Variants in ZFP37 observed in about 807,000 individuals in gnomAD.
ZFP37 encodes the protein zinc finger protein 37 homolog.
In ZFP37, 38 loss-of-function variants were observed where a neutral mutation model predicts 52.1. The observed-to-expected ratio is 0.73, with a 90% CI of 0.56 to 0.96. The LOEUF (loss-of-function observed/expected upper bound fraction) is 0.96, where lower values mean the gene tolerates loss of function less well. ZFP37 is among the 40% of genes least tolerant of loss of function. The pLI is 0.00. For synonymous variants in ZFP37, 253 were observed against 259.5 expected (o/e 0.98, Z 0.24); for missense variants, 695 against 741.4 (o/e 0.94, Z 0.73).
intron 1 of ZFP37, 155 bp from the exon 2 acceptor site, chr9:113,050,027 A>G (rs1829028948): frequency 1.5e-5 from 18 of 1,209,720 alleles, no homozygotes; most frequent in Non-Finnish European, 2.0e-5. Flanking sequence ...TCATGATATT[A>G]TAAAGGATAC....
At chr9:113,046,627 T>C (rs902652804) in intron 3 of ZFP37, among the ~76,000 whole-genome samples, 1 of 152,180 alleles carries the variant, frequency 6.6e-6, no homozygotes, top group African/African-American at 2.4e-5. Context: ...ATTGGTATAG[T>C]AATATGGGTC....
intron 1 of ZFP37, among the ~76,000 whole-genome samples, chr9:113,050,449 G>A (rs1478235711): frequency 6.9e-6 from 1 of 144,606 alleles, no homozygotes; most frequent in Non-Finnish European, 1.5e-5. Context: ...CGTGCATATC[G>A]GAGAGAAAGA....
rs760807807 is a variant in ZFP37 at position 113,043,718 on chromosome 9, C to A, written c.900G>T (p.Lys300Asn). Residue 300 changes from lysine to asparagine, a missense_variant, in exon 4 of 4, where the codon AAG becomes AAT. By Grantham distance (94) the Lys-to-Asn change is moderately conservative. This residue lies in a region of ZFP37 where 326 missense variants were observed against 400.5 expected (regional missense o/e 0.81). Coordinates refer to ENST00000374227, the MANE Select transcript of ZFP37 (RefSeq NM_003408.3). The stretch of plus-strand genomic sequence containing the variant: ...TGAGTCCTTGTTTATGGCTGAGAAC[C>A]TTTCCACATTGATTACATTCATAGG... ...VKPYECNQCG[K>N]VLSHKQGLID... 3 of 1,613,972 alleles carry A rather than the reference C, an allele frequency of 1.9e-6. No individual in the cohort carries two copies. The highest frequency in any genetic ancestry group is 2.5e-6 in the Non-Finnish European group (3 of 1,179,946).
chr9:113,046,230 C>A (rs201964133), intron 3 of ZFP37, among the ~76,000 whole-genome samples: 91 of 125,622 alleles, frequency 7.2e-4, no homozygotes, highest in African/African-American at 5.3e-4. Context: ...AGACATATAT[C>A]TATATATATA....
In ZFP37 at chr9:113,056,699, C is replaced by G. The variant is rs779150580; in HGVS notation, c.-11G>C. Reference sequence around the variant, plus strand: ...GCTGGAGACCGACATGGCGGCTACCCGGAGGGCGGCCTTAGCGGGTCCGGC... The same window carrying G: ...GCTGGAGACCGACATGGCGGCTACCGGGAGGGCGGCCTTAGCGGGTCCGGC... On this transcript the variant is annotated 5_prime_UTR_variant, in exon 1 of 4. Transcript: ENST00000374227. 6 of 1,610,442 alleles carry G rather than the reference C, an allele frequency of 3.7e-6. No homozygotes were observed. The highest frequency in any genetic ancestry group is 1.1e-5 in the South Asian group (1 of 91,008).
At chr9:113,048,732 A>G (rs1829001573) in intron 3 of ZFP37, among the ~76,000 whole-genome samples, 1 of 152,160 alleles carries the variant, frequency 6.6e-6, no homozygotes, top group Non-Finnish European at 1.5e-5. Flanking sequence ...CCAAATGCAT[A>G]GCCTTTTGAA....
chr9:113,042,833 G>A lies in ZFP37; in HGVS notation c.1785C>T (p.His595=), dbSNP rs763042617. Residue 595 remains histidine (H), a synonymous_variant, in exon 4 of 4, where the codon CAC becomes CAT. Coordinates refer to ENST00000374227, the MANE Select transcript of ZFP37 (RefSeq NM_003408.3). The part of the protein sequence containing the change: ...KSQLVIHQRS[H]TGEKPYECNE... ...TACATTCATAGGGTTTTTCTCCAGT[G>A]TGGGATCGCTGATGTATAACAAGCT... 1.9e-6 allele frequency: 3 copies of A among 1,613,572 alleles called. No individual in the cohort carries two copies. Among genetic ancestry groups the A allele is most frequent in the Non-Finnish European group, 2.5e-6 (3 of 1,179,812 alleles).
intron 1 of ZFP37, 45 bp from the exon 2 acceptor site, chr9:113,049,917 C>A (rs1462322182): frequency 1.2e-6 from 2 of 1,612,490 alleles, no homozygotes; most frequent in Non-Finnish European, 1.7e-6. Context: ...GTTACTGATA[C>A]CTGTGATAGC....
At position 113,049,462 on chromosome 9, in the gene ZFP37, CT is replaced by C; in HGVS notation, c.248del (p.Lys83SerfsTer24). 6.2e-7 allele frequency: 1 copy of C among 1,613,952 alleles called. No individual in the cohort carries two copies. The highest frequency in any genetic ancestry group is 8.5e-7 in the Non-Finnish European group (1 of 1,179,910). On this transcript the variant is annotated frameshift_variant, in exon 3 of 4. Coordinates refer to ENST00000374227, the MANE Select transcript of ZFP37 (RefSeq NM_003408.3). LOFTEE classifies it high-confidence loss of function. ...CQAPKPDMIS[K>X]LEKGEAPWLG... The stretch of plus-strand genomic sequence containing the variant: ...ACCATGGTGCTTCTCCTTTTTCCAA[CT>C]TGGAGATCATGTCTGGTTTGGGAGC...
chr9:113,042,902 AG>A lies in ZFP37; in HGVS notation c.1715del (p.Pro572LeufsTer45). ...VHQRTHTGEK[P>X]YECNECEKAF... The stretch of plus-strand genomic sequence containing the variant: ...CTTTTTCACATTCGTTACATTCATA[AG>A]GTTTCTCCCCAGTATGAGTTCTCTG... On this transcript the variant is annotated frameshift_variant, in exon 4 of 4. Coordinates refer to ENST00000374227, the MANE Select transcript of ZFP37 (RefSeq NM_003408.3). LOFTEE classifies it high-confidence loss of function. 1 of 1,613,866 alleles carries A rather than the reference AG, an allele frequency of 6.2e-7. No individual in the cohort carries two copies. The highest frequency in any genetic ancestry group is 8.5e-7 in the Non-Finnish European group (1 of 1,179,928).
In ZFP37 at chr9:113,042,525, T is replaced by C; in HGVS notation, c.*200A>G. On this transcript the variant is annotated 3_prime_UTR_variant, in exon 4 of 4. Coordinates refer to ENST00000374227, the MANE Select transcript of ZFP37 (RefSeq NM_003408.3). ...TATAATAATTGAGTAGTTAAAACAA[T>C]ATTTTTTATAAAAGGTTTTGTATCA... The C allele has an allele frequency of 1.1e-5, 5 of 437,818 alleles. No individual in the cohort carries two copies. Among genetic ancestry groups the C allele is most frequent in the Non-Finnish European group, 2.0e-5 (5 of 251,234 alleles). 27.1% of individuals were successfully genotyped at this position (437,818 alleles called of 1,614,324 possible). A position where few individuals can be genotyped will look rare whatever the true frequency, so the allele number is the denominator to read the frequency against.
At position 113,056,644 on chromosome 9, in the gene ZFP37, G is replaced by A. The variant is rs776761438; in HGVS notation, c.45C>T (p.Thr15=). The stretch of plus-strand genomic sequence containing the variant: ...TTTCCGCACTTCTCCTCCGGTCCAC[G>A]GTCTCTGGCTTTGTCAGAATCTGGA... ...SGVQILTKPE[T]VDRRRSAETT... The change falls in exon 1 of 4, where the codon ACC becomes ACT. Residue 15 remains threonine (T), a synonymous_variant. Transcript: ENST00000374227. 2.5e-6 allele frequency: 4 copies of A among 1,613,862 alleles called. No homozygotes were observed. In the African/African-American group the frequency reaches 4.0e-5, roughly 16 times the overall value.
intron 1 of ZFP37, among the ~76,000 whole-genome samples, chr9:113,055,340 C>T (rs1312504064): frequency 3.9e-5 from 6 of 152,206 alleles, no homozygotes; most frequent in Admixed American, 3.9e-4. Flanking sequence ...CCACACCATC[C>T]TCTTTTACTT....
chr9:113,056,027 C>G (rs1829136625), intron 1 of ZFP37, among the ~76,000 whole-genome samples: 1 of 145,020 alleles, frequency 6.9e-6, no homozygotes. Flanking sequence ...CTCACTGGCC[C>G]CCCGATTCCT....
intron 1 of ZFP37, among the ~76,000 whole-genome samples, chr9:113,055,458 C>T (rs533576171): frequency 1.3e-5 from 2 of 152,264 alleles, no homozygotes; most frequent in South Asian, 4.1e-4. Context: ...GGTTTTGTTT[C>T]CTGGTGTGTC....
intron 1 of ZFP37, among the ~76,000 whole-genome samples, chr9:113,050,488 A>G (rs1057305935): frequency 6.7e-6 from 1 of 149,438 alleles, no homozygotes; most frequent in African/African-American, 2.5e-5. Context: ...AAAAAAAAAG[A>G]AAAAAGGAAC....
rs1828815627 is a variant in ZFP37, at chr9:113,039,677, T to C, written c.*3048A>G. On this transcript the variant is annotated 3_prime_UTR_variant, in exon 4 of 4. Coordinates refer to ENST00000374227, the MANE Select transcript of ZFP37 (RefSeq NM_003408.3). The stretch of plus-strand genomic sequence containing the variant: ...AGGTCTATGAGAACAGGGTTTTGTT[T>C]TGTTTGTTTGCTTTCTTTTTGTTTT... The C allele has an allele frequency of 6.6e-6, 1 of 151,978 alleles. No homozygotes were observed. The highest frequency in any genetic ancestry group is 1.5e-5 in the Non-Finnish European group (1 of 67,884). The allele number at this position is 151,978 out of a possible 1,614,324, so 9.4% of individuals were successfully genotyped here.
intron 3 of ZFP37, among the ~76,000 whole-genome samples, chr9:113,045,688 T>C (rs1828937440): frequency 6.6e-6 from 1 of 152,224 alleles, no homozygotes; most frequent in Non-Finnish European, 1.5e-5. Context: ...AACAATTGAT[T>C]GGACCGTGGT....
chr9:113,048,329 T>C (rs892503421), intron 3 of ZFP37, among the ~76,000 whole-genome samples: 2 of 152,224 alleles, frequency 1.3e-5, no homozygotes, highest in Non-Finnish European at 2.9e-5. Context: ...AGGAGCATCA[T>C]GCCAAGACAT....
Sources: gnomAD v4.1 joint callset for allele counts (sites outside exome capture counted in the v4.1 genomes callset) on GRCh38, gnomAD v4.1.1 for gene constraint, gnomAD v4.1.1 regional missense constraint, MANE v1.5 for transcripts, NCBI Gene and HGNC (gene_info 2026-07-23, HGNC 2026-07-21) for gene names.